The following INPPL1 variants were observed in gnomAD, a reference collection of about 807,000 sequenced individuals.
INPPL1 encodes inositol polyphosphate phosphatase like 1, also known as phosphatidylinositol 3,4,5-trisphosphate 5-phosphatase 2.
In INPPL1, 91 loss-of-function variants were observed where a neutral mutation model predicts 139.3. That is an observed-to-expected ratio of 0.65 (90% CI 0.55 to 0.78). The LOEUF (loss-of-function observed/expected upper bound fraction) is 0.78, where lower values mean the gene tolerates loss of function less well. INPPL1 is among the 30% of genes least tolerant of loss of function. The pLI is 0.00. For synonymous variants in INPPL1, 719 were observed against 686.6 expected (o/e 1.05, Z -0.74); for missense variants, 1,411 against 1,665.6 (o/e 0.85, Z 2.66).
Position 72,232,233 on chromosome 11 carries a change from T to G in INPPL1, c.1616-7T>G. The G allele has an allele frequency of 6.4e-7, 1 of 1,553,184 alleles. No homozygotes were observed. Among genetic ancestry groups the G allele is most frequent in the Non-Finnish European group, 8.7e-7 (1 of 1,147,470 alleles). ...CCCAGGCCTTCCTCTCTTGCTTGCC[T>G]TAACAGGGAACAAGGGGGCTGTGGG... On this transcript the variant is annotated splice_region_variant and splice_polypyrimidine_tract_variant and intron_variant, in intron 13 of 27. Transcript: ENST00000298229.
At position 72,234,740 on chromosome 11, in the gene INPPL1, TG is replaced by T. The variant is rs1948936721; in HGVS notation, c.2415+126del. Reference sequence around the variant, plus strand: ...CAGAGAGAGAGAGAGAGAGTGTGTGTGTGTGTGTGTGTGTGTGTGTGTGTAT... The same window carrying T: ...CAGAGAGAGAGAGAGAGAGTGTGTGTTGTGTGTGTGTGTGTGTGTGTGTAT... On this transcript the variant is annotated intron_variant, in intron 21 of 27. Transcript: ENST00000298229. The surrounding 1 kb of genome is among the most constrained non-coding windows in gnomAD (Gnocchi z 4.2). 7.9e-6 allele frequency: 5 copies of T among 630,226 alleles called. No homozygotes were observed. The highest frequency in any genetic ancestry group is 1.1e-5 in the Non-Finnish European group (4 of 357,074). 39.0% of individuals were successfully genotyped at this position (630,226 alleles called of 1,614,324 possible).
chr11:72,229,658 C>A lies in INPPL1; in HGVS notation c.754-5C>A. The A allele has an allele frequency of 1.9e-6, 3 of 1,613,936 alleles. No individual in the cohort carries two copies. The highest frequency in any genetic ancestry group is 2.2e-5 in the East Asian group (1 of 44,880). ...ATGTACAAGCCTGGTTCTTCCTCCC[C>A]CCAGAACCTGCCACAGACAGGGGAG... On this transcript the variant is annotated splice_region_variant and splice_polypyrimidine_tract_variant and intron_variant, in intron 6 of 27. Coordinates refer to ENST00000298229, the MANE Select transcript of INPPL1 (RefSeq NM_001567.4).
upstream of INPPL1, among the ~76,000 whole-genome samples, chr11:72,224,397 G>C (rs1460030735): frequency 9.2e-5 from 14 of 151,898 alleles, no homozygotes; most frequent in Admixed American, 9.2e-4. Flanking sequence ...CAAGCTGTAA[G>C]GGGGACGAGA....
Position 72,230,984 on chromosome 11 carries a change from C to T in INPPL1, c.1301-9C>T, listed in dbSNP as rs377510005. The T allele has an allele frequency of 4.8e-5, 78 of 1,612,412 alleles. No individual in the cohort carries two copies. The East Asian group carries it at 6.2e-4, about 13-fold the overall frequency. ...CCCTCCAGACCCACCTCACCCCCTT[C>T]ACCTCCAGGAAGTGTACCACCTCCA... On this transcript the variant is annotated splice_polypyrimidine_tract_variant and intron_variant, in intron 11 of 27. Coordinates refer to ENST00000298229, the MANE Select transcript of INPPL1 (RefSeq NM_001567.4).
chr11:72,238,261 A>G lies in INPPL1; in HGVS notation c.3687-2A>G, dbSNP rs1212286130. 6.2e-7 allele frequency: 1 copy of G among 1,613,244 alleles called. No homozygotes were observed. The highest frequency in any genetic ancestry group is 1.3e-5 in the African/African-American group (1 of 74,890). On this transcript the variant is annotated splice_acceptor_variant, in intron 27 of 27. Transcript: ENST00000298229. LOFTEE classifies it high-confidence loss of function. ...CACTTCCCAGCCTGTTTTACTCCACAGTGACATCACCGAGGAGGACTTGGA... is the reference window on the plus strand; with the variant it reads ...CACTTCCCAGCCTGTTTTACTCCACGGTGACATCACCGAGGAGGACTTGGA...
chr11:72,237,189 A>G lies in INPPL1; in HGVS notation c.2945A>G (p.Asn982Ser), dbSNP rs70940821. The G allele has an allele frequency of 5.4e-5, 87 of 1,613,640 alleles. No individual in the cohort carries two copies. The highest frequency in any genetic ancestry group is 4.2e-4 in the East Asian group (19 of 44,862). The change falls in exon 26 of 28, where the codon AAT (asparagine) becomes AGT (serine). Residue 982 changes from asparagine to serine, a missense_variant. By Grantham distance (46) the Asn-to-Ser change is conservative. Around this residue, in one of 5 missense-constraint regions of INPPL1, gnomAD observed 438 missense variants for 425.7 expected, o/e 1.03. Coordinates refer to ENST00000298229, the MANE Select transcript of INPPL1 (RefSeq NM_001567.4). ...VAAPPPKNSF[N>S]NPAYYVLEGV... is the part of the protein sequence containing the mutation. ...GCCCCCCCACCCAAGAACAGCTTCA[A>G]TAACCCTGCCTACTACGTCCTTGAA...
chr11:72,232,594 T>C (rs778041346), intron 14 of INPPL1, 32 bp from the exon 15 acceptor site: 30 of 1,608,392 alleles, frequency 1.9e-5, no homozygotes, highest in Non-Finnish European at 6.8e-6. Context: ...CCTGGGGATC[T>C]ACCCCTCCCC....
intron 16 of INPPL1, 38 bp from the exon 17 acceptor site, chr11:72,233,037 C>T (rs367803656): frequency 2.3e-5 from 37 of 1,610,684 alleles, no homozygotes; most frequent in Non-Finnish European, 3.1e-5. Flanking sequence ...CCCTGGGTGT[C>T]AGGGCCCTGA....
chr11:72,236,059 T>TATCCCCTC (rs1431105356), intron 25 of INPPL1, 73 bp downstream of exon 25: 68 of 849,808 alleles, frequency 8.0e-5, no homozygotes, highest in Non-Finnish European at 1.1e-4. Context: ...CTGCAGGGTC[T>TATCCCCTC]CAGGGTTGGC....
In INPPL1 at chr11:72,232,315, C is replaced by A; in HGVS notation, c.1691C>A (p.Ser564Ter). 1 of 1,553,138 alleles carries A rather than the reference C, an allele frequency of 6.4e-7. No homozygotes were observed. The highest frequency in any genetic ancestry group is 8.7e-7 in the Non-Finnish European group (1 of 1,147,706). ...SFGFVNCHLT[S>*]GNEKTARRNQ... The stretch of plus-strand genomic sequence containing the variant: ...GGCTTTGTGAATTGTCACCTCACCT[C>A]GGGAAATGAGAAGACGGCTCGGTGA... The change falls in exon 14 of 28, where the codon TCG (serine) becomes TAG (stop). Residue 564 changes from serine (S) to a stop codon, truncating the protein, a stop_gained. Transcript: ENST00000298229. LOFTEE classifies it high-confidence loss of function.
chr11:72,232,696 A>G lies in INPPL1; in HGVS notation c.1783A>G (p.Ile595Val). 2 of 1,613,620 alleles carry G rather than the reference A, an allele frequency of 1.2e-6. No homozygotes were observed. The highest frequency in any genetic ancestry group is 2.2e-5 in the East Asian group (1 of 44,828). The change falls in exon 15 of 28, where the codon ATC becomes GTC. Residue 595 changes from isoleucine (I) to valine (V), a missense_variant. Ile to Val is a conservative substitution (Grantham distance 29, BLOSUM62 3). Coordinates refer to ENST00000298229, the MANE Select transcript of INPPL1 (RefSeq NM_001567.4). ...LGDRQLNAFD[I>V]SLRFTHLFWF... Reference sequence around the variant, plus strand: ...CGACCGGCAGCTCAATGCCTTTGACATCTCTCTGCGTTTCACACACCTCTT... The same window carrying G: ...CGACCGGCAGCTCAATGCCTTTGACGTCTCTCTGCGTTTCACACACCTCTT...
chr11:72,229,062 C>T (rs1482084366), intron 4 of INPPL1, 28 bp from the exon 5 acceptor site: 3 of 1,585,866 alleles, frequency 1.9e-6, no homozygotes, highest in Non-Finnish European at 2.6e-6. Flanking sequence ...AGCAGGACCT[C>T]CACTGACTTC....
Position 72,234,693 on chromosome 11 carries a change from C to T in INPPL1, c.2415+78C>T. 4.0e-6 allele frequency: 4 copies of T among 999,316 alleles called. No individual in the cohort carries two copies. In the South Asian group the frequency reaches 4.1e-5, roughly 10 times the overall value. 61.9% of individuals were successfully genotyped at this position (999,316 alleles called of 1,614,324 possible). The stretch of plus-strand genomic sequence containing the variant: ...CATAAGAGTTTATTGGAGAGCCTGC[C>T]TGGGAGGGAGTGTGGGGCCAGCAGA... On this transcript the variant is annotated intron_variant, in intron 21 of 27. Transcript: ENST00000298229. This position sits in a 1 kb window ranked among gnomAD's most constrained non-coding sequence, Gnocchi z 4.2.
chr11:72,227,920 C>T (rs2089498598), intron 1 of INPPL1: 2 of 508,096 alleles, frequency 3.9e-6, no homozygotes, highest in Admixed American at 6.5e-5. Flanking sequence ...CTCCCTGTTG[C>T]TTCTCAGGCC....
At position 72,235,293 on chromosome 11, in the gene INPPL1, C is replaced by G. The variant is rs1948954241; in HGVS notation, c.2504-3C>G. The G allele has an allele frequency of 6.2e-7, 1 of 1,614,044 alleles. No individual in the cohort carries two copies. Among genetic ancestry groups the G allele is most frequent in the Non-Finnish European group, 8.5e-7 (1 of 1,179,974 alleles). On this transcript the variant is annotated splice_region_variant and splice_polypyrimidine_tract_variant and intron_variant, in intron 22 of 27. Transcript: ENST00000298229. The surrounding 1 kb of genome is among the most constrained non-coding windows in gnomAD (Gnocchi z 4.9). ...TTGCTGGTTTGTCCCATCTGCTCCT[C>G]AGGGGAGTGTGTGGTTGCACTCAAA...
Position 72,228,155 on chromosome 11 carries a change from G to A in INPPL1, c.183-35G>A. 1 of 1,611,476 alleles carries A rather than the reference G, an allele frequency of 6.2e-7. No individual in the cohort carries two copies. The highest frequency in any genetic ancestry group is 8.5e-7 in the Non-Finnish European group (1 of 1,177,648). Reference sequence around the variant, plus strand: ...TGCTTTGGGTCTTAGACCCCAGCCTGGGGGTGACAGATTCTGGCCCTGCCT... The same window carrying A: ...TGCTTTGGGTCTTAGACCCCAGCCTAGGGGTGACAGATTCTGGCCCTGCCT... On this transcript the variant is annotated intron_variant, in intron 1 of 27. Coordinates refer to ENST00000298229, the MANE Select transcript of INPPL1 (RefSeq NM_001567.4). The surrounding 1 kb of genome is among the most constrained non-coding windows in gnomAD (Gnocchi z 5.0).
rs578124894 is a variant in INPPL1 at position 72,231,044 on chromosome 11, T to G, written c.1352T>G (p.Leu451Arg). The G allele has an allele frequency of 1.9e-6, 3 of 1,614,134 alleles. No individual in the cohort carries two copies. Among genetic ancestry groups the G allele is most frequent in the Non-Finnish European group, 1.7e-6 (2 of 1,180,018 alleles). The stretch of plus-strand genomic sequence containing the variant: ...ACATCCTGGTTCACATCGAAGGGTC[T>G]GGGGAAGACCCTGGACGAGGTCACA... Reference protein sequence around the residue: ...NVTSWFTSKGLGKTLDEVTVT... With the variant: ...NVTSWFTSKGRGKTLDEVTVT... The change falls in exon 12 of 28, where the codon CTG (leucine) becomes CGG (arginine). Residue 451 changes from leucine to arginine, a missense_variant. Physicochemically the swap from Leu to Arg is moderately radical, Grantham distance 102. Coordinates refer to ENST00000298229, the MANE Select transcript of INPPL1 (RefSeq NM_001567.4).
At chr11:72,237,962 C>T in intron 26 of INPPL1, 80 bp from the exon 27 acceptor site, 1 of 1,474,996 alleles carries the variant, frequency 6.8e-7, no homozygotes, top group Non-Finnish European at 9.0e-7. Flanking sequence ...TTCCTTTTCC[C>T]CAGAGCATGC....
chr11:72,232,863 C>T lies in INPPL1; in HGVS notation c.1852-12C>T, dbSNP rs997865868. The stretch of plus-strand genomic sequence containing the variant: ...GGAGGAATGTTTCTAGCCTTTGTGT[C>T]CTCCACCCCAGGAGATCCTGAACTA... On this transcript the variant is annotated splice_polypyrimidine_tract_variant and intron_variant, in intron 15 of 27. Transcript: ENST00000298229. The T allele has an allele frequency of 6.2e-7, 1 of 1,613,910 alleles. No individual in the cohort carries two copies. The highest frequency in any genetic ancestry group is 1.6e-4 in the Middle Eastern group (1 of 6,062).
Sources: gnomAD v4.1 joint callset for allele counts (sites outside exome capture counted in the v4.1 genomes callset) on GRCh38, gnomAD v4.1.1 for gene constraint, gnomAD v4.1.1 regional missense constraint, Gnocchi (gnomAD v3.1) non-coding constraint, MANE v1.5 for transcripts, NCBI Gene and HGNC (gene_info 2026-07-23, HGNC 2026-07-21) for gene names.